The following PLEKHN1 variants were observed in gnomAD, a reference collection of about 807,000 sequenced individuals.
PLEKHN1 encodes pleckstrin homology domain-containing family N member 1.
Under a neutral mutation model 72.8 loss-of-function variants are expected in PLEKHN1, and 68 were observed. That is an observed-to-expected ratio of 0.93 (90% CI 0.77 to 1.14). The LOEUF (loss-of-function observed/expected upper bound fraction) is 1.14, where lower values mean the gene tolerates loss of function less well. Ranked by LOEUF, PLEKHN1 falls within the 50% of genes most tolerant of loss-of-function variation. The pLI is 0.00. For synonymous variants in PLEKHN1, 454 were observed against 371.6 expected, an observed-to-expected ratio of 1.22 and a Z score of -2.55; for missense variants, 1,015 against 840.5, an observed-to-expected ratio of 1.21 and a Z score of -2.57.
chr1:969,693 T>C (rs981598094), intron 2 of PLEKHN1, among the ~76,000 whole-genome samples: 1 of 152,106 alleles, frequency 6.6e-6, no homozygotes, highest in Non-Finnish European at 1.5e-5. Flanking sequence ...CATGTGTGTA[T>C]AAGTGCGTAT....
chr1:972,345 G>A lies in PLEKHN1; in HGVS notation c.923G>A (p.Trp308Ter). ...GCCAGCTACGAGGACTACGGTCACTGGCTGCTGTGCCTTCGCGCTGTCACC... is the reference window on the plus strand; with the variant it reads ...GCCAGCTACGAGGACTACGGTCACTAGCTGCTGTGCCTTCGCGCTGTCACC... ...VCASYEDYGH[W>*]LLCLRAVTHR... The change falls in exon 10 of 16, where the codon TGG becomes TAG. Residue 308 changes from tryptophan to a stop codon, truncating the protein, a stop_gained. Coordinates refer to ENST00000379410, the MANE Select transcript of PLEKHN1 (RefSeq NM_032129.3). LOFTEE classifies it high-confidence loss of function. The A allele has an allele frequency of 6.2e-7, 1 of 1,611,956 alleles. No homozygotes were observed. The highest frequency in any genetic ancestry group is 1.1e-5 in the South Asian group (1 of 90,980).
intron 10 of PLEKHN1, 62 bp downstream of exon 10, chr1:972,486 C>T: frequency 6.7e-7 from 1 of 1,481,856 alleles, no homozygotes; most frequent in African/African-American, 1.4e-5. Flanking sequence ...GGGCAGCAGA[C>T]CGGGCGTGGT....
At position 975,204 on chromosome 1, in the gene PLEKHN1, G is replaced by T. The variant is rs935217399; in HGVS notation, c.*629G>T. On this transcript the variant is annotated 3_prime_UTR_variant, in exon 16 of 16. Coordinates refer to ENST00000379410, the MANE Select transcript of PLEKHN1 (RefSeq NM_032129.3). ...GAATAAGAAAAGGAAGAAAGAAAAA[G>T]AAAAGATAGAATTTTATTGGTGCTG... 6.6e-6 allele frequency: 1 copy of T among 152,558 alleles called. No homozygotes were observed. Among genetic ancestry groups the T allele is most frequent in the Admixed American group, 6.5e-5 (1 of 15,296 alleles). 9.5% of individuals were successfully genotyped at this position (152,558 alleles called of 1,614,324 possible).
Position 969,581 on chromosome 1 carries a change from C to T in PLEKHN1, c.184-696C>T, listed in dbSNP as rs578198707. Among the ~76,000 whole-genome samples, 78 of 151,136 alleles carry T rather than the reference C, an allele frequency of 5.2e-4. 1 individual carries two copies. In the South Asian group the frequency reaches 9.4e-3, roughly 18 times the overall value. Reference sequence around the variant, plus strand: ...GTATACATGTGTATGGGTGTATTTGCGTGTGGATATGTATGCATGTATGCA... The same window carrying T: ...GTATACATGTGTATGGGTGTATTTGTGTGTGGATATGTATGCATGTATGCA... On this transcript the variant is annotated intron_variant, in intron 2 of 15. Coordinates refer to ENST00000379410, the MANE Select transcript of PLEKHN1 (RefSeq NM_032129.3).
chr1:973,278 G>A lies in PLEKHN1; in HGVS notation c.1245G>A (p.Arg415=), dbSNP rs763340248. The A allele has an allele frequency of 1.0e-5, 16 of 1,543,460 alleles. No homozygotes were observed. Among genetic ancestry groups the A allele is most frequent in the Non-Finnish European group, 1.4e-5 (16 of 1,141,312 alleles). ...GSSRSPGSKA[R]AEGRGPVTPL... is the part of the protein sequence containing the mutation. The stretch of plus-strand genomic sequence containing the variant: ...GCCGGTCACCCGGGAGCAAGGCCCG[G>A]GCAGAGGGCCGCGGCCCTGTCACCC... Residue 415 remains arginine (R), a synonymous_variant, in exon 12 of 16, where the codon CGG becomes CGA. Transcript: ENST00000379410.
At position 971,023 on chromosome 1, in the gene PLEKHN1, C is replaced by A; in HGVS notation, c.612+17C>A. ...CCCCCACAGGTCAGTGCCGGGGACC[C>A]CACCCCCCTCCCCACCCTGATCCTC... On this transcript the variant is annotated intron_variant, in intron 6 of 15. Transcript: ENST00000379410. The A allele has an allele frequency of 1.1e-6, 1 of 880,504 alleles. No homozygotes were observed. Among genetic ancestry groups the A allele is most frequent in the East Asian group, 2.5e-5 (1 of 40,316 alleles). The allele number at this position is 880,504 out of a possible 1,614,324, so 54.5% of individuals were successfully genotyped here.
chr1:973,353 CT>C lies in PLEKHN1; in HGVS notation c.1293+28del, dbSNP rs749674996. ...TGGGCCCAGCACACCCACACAGCCC[CT>C]GGCCTGGTTCCCACCGTTCCGCACC... On this transcript the variant is annotated intron_variant, in intron 12 of 15. Transcript: ENST00000379410. 5 of 1,555,812 alleles carry C rather than the reference CT, an allele frequency of 3.2e-6. No homozygotes were observed. The East Asian group carries it at 1.1e-4, about 35-fold the overall frequency.
intron 8 of PLEKHN1, among the ~76,000 whole-genome samples, chr1:971,731 C>A (rs1445478260): frequency 6.6e-6 from 1 of 152,174 alleles, no homozygotes; most frequent in South Asian, 2.1e-4. Flanking sequence ...TCCTCCAGGG[C>A]GGGCTCCGGG....
rs747554393 is a variant in PLEKHN1, at chr1:970,758, G to C, written c.484G>C (p.Gly162Arg). ...CCGAGAGCACGCCTTCCAGATCACA[G>C]GTGTTTGGGATGCTTCCCGGGCCCC... ...GSREHAFQIT[G>R]PLPAPLLVLC... Residue 162 changes from glycine (G) to arginine (R), a missense_variant and splice_region_variant, in exon 5 of 16, where the codon GGC becomes CGC. By Grantham distance (125) the Gly-to-Arg change is moderately radical. Transcript: ENST00000379410. The surrounding 1 kb of genome is among the most constrained non-coding windows in gnomAD (Gnocchi z 4.2). 6 of 1,612,440 alleles carry C rather than the reference G, an allele frequency of 3.7e-6. No individual in the cohort carries two copies. In the South Asian group the frequency reaches 6.6e-5, roughly 18 times the overall value.
At chr1:974,421 C>T (rs1217616113) in intron 15 of PLEKHN1, 21 bp from the exon 16 acceptor site, 2 of 1,612,838 alleles carry the variant, frequency 1.2e-6, no homozygotes, top group African/African-American at 1.3e-5. Flanking sequence ...CAGGCTGACA[C>T]ATCTCTGCCT....
chr1:973,320 G>C lies in PLEKHN1; in HGVS notation c.1287G>C (p.Leu429=), dbSNP rs1643436014. 3.2e-6 allele frequency: 5 copies of C among 1,547,000 alleles called. No homozygotes were observed. Among genetic ancestry groups the C allele is most frequent in the East Asian group, 2.4e-5 (1 of 42,266 alleles). Residue 429 remains leucine (L), a synonymous_variant, in exon 12 of 16, where the codon CTG becomes CTC. Transcript: ENST00000379410. ...CTGTCACCCCACTGCACCTGGACCT[G>C]ACCCAGGTGGGCCCAGCACACCCAC... The part of the protein sequence containing the change: ...RGPVTPLHLD[L]TQLHRLSLES...
rs1431229908 is a variant in PLEKHN1 at position 966,721 on chromosome 1, TGTC to T, written c.103_105del (p.Ser35del). 6 of 1,574,114 alleles carry T rather than the reference TGTC, an allele frequency of 3.8e-6. No individual in the cohort carries two copies. Among genetic ancestry groups the T allele is most frequent in the Non-Finnish European group, 5.2e-6 (6 of 1,160,194 alleles). On this transcript the variant is annotated inframe_deletion, in exon 2 of 16. Transcript: ENST00000379410. Reference sequence around the variant, plus strand: ...GTCCCCAGAGAGGACAGCGCGCGGATGTCGGCCGGCCTGCCGGGCCCCGAGGCT... The same window carrying T: ...GTCCCCAGAGAGGACAGCGCGCGGATGGCCGGCCTGCCGGGCCCCGAGGCT...
Position 971,338 on chromosome 1 carries a change from G to T in PLEKHN1, c.723G>T (p.Arg241=). ...QHLPAQEQWD[R]LLVLYPTSLA... is the part of the protein sequence containing the mutation. Reference sequence around the variant, plus strand: ...CACCCACCCAGGAGCAGTGGGACCGGCTCTTGGTCCTGTACCCAACGTCCT... The same window carrying T: ...CACCCACCCAGGAGCAGTGGGACCGTCTCTTGGTCCTGTACCCAACGTCCT... The change falls in exon 8 of 16, where the codon CGG becomes CGT. Residue 241 remains arginine, a synonymous_variant. Transcript: ENST00000379410. 14 of 1,582,608 alleles carry T rather than the reference G, an allele frequency of 8.8e-6. No individual in the cohort carries two copies. The highest frequency in any genetic ancestry group is 1.1e-5 in the Non-Finnish European group (13 of 1,164,954).
intron 6 of PLEKHN1, 32 bp from the exon 7 acceptor site, chr1:971,081 C>T (rs1378756978): frequency 5.1e-6 from 8 of 1,580,908 alleles, no homozygotes; most frequent in Non-Finnish European, 6.0e-6. Flanking sequence ...TCACAGGGGT[C>T]CTGCGGAGAC....
At position 970,611 on chromosome 1, in the gene PLEKHN1, T is replaced by C; in HGVS notation, c.411+10T>C. 3.7e-6 allele frequency: 6 copies of C among 1,611,414 alleles called. No individual in the cohort carries two copies. Among genetic ancestry groups the C allele is most frequent in the Non-Finnish European group, 5.1e-6 (6 of 1,179,138 alleles). ...AGGACTCACATTTCAGGTGAGGCGG[T>C]GGGCAATGGGGTGGGGCCATGGCCG... On this transcript the variant is annotated intron_variant, in intron 4 of 15. Coordinates refer to ENST00000379410, the MANE Select transcript of PLEKHN1 (RefSeq NM_032129.3). The surrounding 1 kb of genome is among the most constrained non-coding windows in gnomAD (Gnocchi z 4.2).
At position 966,560 on chromosome 1, in the gene PLEKHN1, C is replaced by A. The variant is rs780353958; in HGVS notation, c.29C>A (p.Ala10Asp). MGNSHCVPQ[A>D]PRRLRASFSR... ...GGGAACAGCCACTGTGTCCCTCAGG[C>A]CCCCAGGAGGCTCCGGGCCTCCTTC... The change falls in exon 1 of 16, where the codon GCC becomes GAC. Residue 10 changes from alanine (A) to aspartate (D), a missense_variant. Coordinates refer to ENST00000379410, the MANE Select transcript of PLEKHN1 (RefSeq NM_032129.3). 6.2e-7 allele frequency: 1 copy of A among 1,610,372 alleles called. No individual in the cohort carries two copies. Among genetic ancestry groups the A allele is most frequent in the African/African-American group, 1.3e-5 (1 of 74,870 alleles).
At chr1:971,932 C>G in intron 8 of PLEKHN1, 143 bp from the exon 9 acceptor site, 1 of 762,302 alleles carries the variant, frequency 1.3e-6, no homozygotes, top group Non-Finnish European at 2.1e-6. Context: ...ATGGGACCCA[C>G]TGGCCTCCCT....
Position 975,752 on chromosome 1 carries a change from G to A in PLEKHN1, c.*1177G>A, listed in dbSNP as rs548003572. The A allele has an allele frequency of 5.1e-5, 9 of 176,076 alleles. No individual in the cohort carries two copies. The highest frequency in any genetic ancestry group is 9.6e-5 in the Non-Finnish European group (8 of 82,974). The allele number at this position is 176,076 out of a possible 1,614,324, so 10.9% of individuals were successfully genotyped here. ...GTCTTGCTGCTCAGACCCCTCCGAG[G>A]TCCAAGTCCTGTCCTGCCACTCAGC... On this transcript the variant is annotated 3_prime_UTR_variant, in exon 16 of 16. Transcript: ENST00000379410.
chr1:974,021 G>A lies in PLEKHN1; in HGVS notation c.1623G>A (p.Gly541=). Residue 541 remains glycine, a synonymous_variant, in exon 14 of 16, where the codon GGG becomes GGA. Coordinates refer to ENST00000379410, the MANE Select transcript of PLEKHN1 (RefSeq NM_032129.3). ...AQRHRGSAKD[G]GPQPPDAPQL... is the part of the protein sequence containing the mutation. ...GACACCGGGGCTCAGCCAAGGATGG[G>A]GGGCCGCAGCCCCCAGACGCCCCTC... is the stretch of plus-strand genomic sequence containing the variant. 6.3e-7 allele frequency: 1 copy of A among 1,598,992 alleles called. No homozygotes were observed. Among genetic ancestry groups the A allele is most frequent in the East Asian group, 2.3e-5 (1 of 44,344 alleles).
Sources: gnomAD v4.1 joint callset for allele counts (sites outside exome capture counted in the v4.1 genomes callset) on GRCh38, gnomAD v4.1.1 for gene constraint, Gnocchi (gnomAD v3.1) non-coding constraint, MANE v1.5 for transcripts, NCBI Gene and HGNC (gene_info 2026-07-23, HGNC 2026-07-21) for gene names.